The following CLCN7 variants were observed in gnomAD, a reference collection of about 807,000 sequenced individuals.
The protein encoded by CLCN7 is Cl-/H+ antiporter 7, also known as H(+)/Cl(-) exchange transporter 7.
A neutral mutation model predicts 102.1 loss-of-function variants in CLCN7; 60 were observed. That is an observed-to-expected ratio of 0.59 (90% CI 0.48 to 0.73). The LOEUF (loss-of-function observed/expected upper bound fraction) is 0.73, where lower values mean the gene tolerates loss of function less well. CLCN7 is among the 30% of genes least tolerant of loss of function. The pLI is 0.00. For synonymous variants in CLCN7, 560 were observed against 490.5 expected, an observed-to-expected ratio of 1.14 and a Z score of -1.87; for missense variants, 962 against 1,125.7, an observed-to-expected ratio of 0.85 and a Z score of 2.08.
In CLCN7 at chr16:1,451,683, C is replaced by G; in HGVS notation, c.1387G>C (p.Ala463Pro). ...FCADGEYNSM[A>P]AAFFNTPEKS... is the part of the protein sequence containing the mutation. ...TCCGGGGTGTTGAAGAAGGCCGCAG[C>G]CATGGAGTTGTACTCGCCATCTGCA... Residue 463 changes from alanine to proline, a missense_variant, in exon 16 of 25, where the codon GCT becomes CCT. Around this residue, in one of 2 missense-constraint regions of CLCN7, gnomAD observed 799 missense variants for 988.0 expected, o/e 0.81. Transcript: ENST00000382745. 1 of 1,612,852 alleles carries G rather than the reference C, an allele frequency of 6.2e-7. No homozygotes were observed. The highest frequency in any genetic ancestry group is 8.5e-7 in the Non-Finnish European group (1 of 1,179,942).
intron 1 of CLCN7, among the ~76,000 whole-genome samples, chr16:1,469,565 A>G (rs1051142134): frequency 6.6e-6 from 1 of 152,062 alleles, no homozygotes; most frequent in African/African-American, 2.4e-5. Flanking sequence ...GGGCGCCTGT[A>G]ATCCCAGCTA....
Position 1,446,147 on chromosome 16 carries a change from C to T in CLCN7, c.*484G>A, listed in dbSNP as rs2038635813. On this transcript the variant is annotated 3_prime_UTR_variant, in exon 25 of 25. Coordinates refer to ENST00000382745, the MANE Select transcript of CLCN7 (RefSeq NM_001287.6). ...CTCAGGCCCAGGGACCACAGGCCGT[C>T]TGCTCATGGCTGAAAATGAGGCCAA... is the stretch of plus-strand genomic sequence containing the variant. 1.7e-6 allele frequency: 1 copy of T among 600,232 alleles called. No homozygotes were observed. Among genetic ancestry groups the T allele is most frequent in the East Asian group, 2.8e-5 (1 of 36,190 alleles). 37.2% of individuals were successfully genotyped at this position (600,232 alleles called of 1,614,324 possible). A position where few individuals can be genotyped will look rare whatever the true frequency, so the allele number is the denominator to read the frequency against.
At position 1,460,744 on chromosome 16, in the gene CLCN7, G is replaced by A. The variant is rs376471164; in HGVS notation, c.484+72C>T. The stretch of plus-strand genomic sequence containing the variant: ...CCTGCACTGGAACACGCTGGGCTCA[G>A]GACTTCTGCCCGGGACTCGGCCCAG... On this transcript the variant is annotated intron_variant, in intron 5 of 24. Coordinates refer to ENST00000382745, the MANE Select transcript of CLCN7 (RefSeq NM_001287.6). 23 of 1,609,354 alleles carry A rather than the reference G, an allele frequency of 1.4e-5. No individual in the cohort carries two copies. In the African/African-American group the frequency reaches 2.5e-4, roughly 18 times the overall value.
In CLCN7 at chr16:1,446,622, G is replaced by A. The variant is rs773825294; in HGVS notation, c.*9C>T. The A allele has an allele frequency of 1.6e-4, 243 of 1,558,196 alleles. No homozygotes were observed. Among genetic ancestry groups the A allele is most frequent in the Non-Finnish European group, 1.9e-4 (217 of 1,150,832 alleles). On this transcript the variant is annotated 3_prime_UTR_variant, in exon 25 of 25. Coordinates refer to ENST00000382745, the MANE Select transcript of CLCN7 (RefSeq NM_001287.6). The stretch of plus-strand genomic sequence containing the variant: ...CAGCGCCAGTGCCCATTATGGGCAG[G>A]GCTGGGCCTCACGTCTGGGCCAGCG...
At chr16:1,447,743 C>G (rs367730345) in intron 21 of CLCN7, 29 bp from the exon 22 acceptor site, 44 of 1,548,560 alleles carry the variant, frequency 2.8e-5, no homozygotes, top group Non-Finnish European at 3.8e-5. Context: ...GTCAGGGCCA[C>G]GGGCCCGAGG....
intron 22 of CLCN7, 34 bp downstream of exon 22, chr16:1,447,621 C>G: frequency 6.4e-7 from 1 of 1,551,836 alleles, no homozygotes; most frequent in Non-Finnish European, 8.7e-7. Context: ...CCCGGGGCCC[C>G]CACCCGCCCA....
At chr16:1,469,833 T>A (rs2039052375) in intron 1 of CLCN7, among the ~76,000 whole-genome samples, 1 of 152,048 alleles carries the variant, frequency 6.6e-6, no homozygotes, top group Non-Finnish European at 1.5e-5. Flanking sequence ...GATGGATGAG[T>A]GAGTCAAGGA....
chr16:1,450,366 A>G, intron 17 of CLCN7, 131 bp downstream of exon 17: 1 of 958,762 alleles, frequency 1.0e-6, no homozygotes, highest in Non-Finnish European at 1.6e-6. Flanking sequence ...CGCGAGGACA[A>G]CGCCCACGGC....
At chr16:1,463,002 T>C (rs1356812393) in intron 2 of CLCN7, among the ~76,000 whole-genome samples, 2 of 152,010 alleles carry the variant, frequency 1.3e-5, no homozygotes, top group South Asian at 2.1e-4. Context: ...CTCTACAAAA[T>C]ATTAGCTGAG....
At chr16:1,464,314 C>T (rs1417084889) in intron 2 of CLCN7, among the ~76,000 whole-genome samples, 4 of 152,242 alleles carry the variant, frequency 2.6e-5, no homozygotes, top group Non-Finnish European at 5.9e-5. Flanking sequence ...GGACTGATTG[C>T]TGAATCTCAC....
intron 2 of CLCN7, among the ~76,000 whole-genome samples, chr16:1,462,683 A>AAAAAAAAAAAC (rs1471363912): frequency 2.6e-5 from 4 of 150,960 alleles, no homozygotes; most frequent in African/African-American, 9.9e-5. Context: ...AAAAAAAAAA[A>AAAAAAAAAAAC]AAAACCAGGC....
At chr16:1,473,609 AT>A (rs2039109112) in intron 1 of CLCN7, among the ~76,000 whole-genome samples, 1 of 150,254 alleles carries the variant, frequency 6.7e-6, no homozygotes, top group Non-Finnish European at 1.5e-5. Context: ...TCCTGACCTC[AT>A]GATCCACCCG....
At chr16:1,451,558 T>G (rs2038751247) in intron 16 of CLCN7, 65 bp downstream of exon 16, 3 of 1,429,116 alleles carry the variant, frequency 2.1e-6, no homozygotes, top group Non-Finnish European at 1.9e-6. Context: ...CAGGGGACAC[T>G]CAGCCAGAAG....
rs2038814724 is a variant in CLCN7 at position 1,455,148 on chromosome 16, T to C, written c.1084A>G (p.Arg362Gly). Residue 362 changes from arginine to glycine, a missense_variant, in exon 12 of 25, where the codon AGG becomes GGG. Transcript: ENST00000382745. ...GGGCAGGTTACCTCCGAGTCAAACC[T>C]TCCGAAGTTGATGAGGCCTGGGCTG... ...LSSPGLINFG[R>G]FDSEKMAYTI... 4.3e-6 allele frequency: 7 copies of C among 1,609,620 alleles called. No individual in the cohort carries two copies. Among genetic ancestry groups the C allele is most frequent in the Non-Finnish European group, 6.0e-6 (7 of 1,175,916 alleles).
Position 1,455,752 on chromosome 16 carries a change from G to T in CLCN7, c.960C>A (p.Asn320Lys). ...FSLEEGASFW[N>K]QFLTWRIFFA... The stretch of plus-strand genomic sequence containing the variant: ...TTACGATCCTCCAGGTCAGGAACTG[G>T]TTCCAGAAGGACGCACCCTCCTCCA... Residue 320 changes from asparagine (N) to lysine (K), a missense_variant, in exon 11 of 25, where the codon AAC becomes AAA. Physicochemically the swap from Asn to Lys is moderately conservative, Grantham distance 94. Transcript: ENST00000382745. 1 of 1,613,804 alleles carries T rather than the reference G, an allele frequency of 6.2e-7. No homozygotes were observed. The highest frequency in any genetic ancestry group is 1.3e-5 in the African/African-American group (1 of 75,044).
At chr16:1,474,338 C>A in intron 1 of CLCN7, 1 of 374,060 alleles carries the variant, frequency 2.7e-6, no homozygotes. Flanking sequence ...AGAAAGATGG[C>A]AGATAAAGGC....
chr16:1,469,040 A>G (rs1484619053), intron 1 of CLCN7, among the ~76,000 whole-genome samples: 6 of 96,264 alleles, frequency 6.2e-5, no homozygotes, highest in Non-Finnish European at 9.9e-5. Context: ...AAAAAAAACG[A>G]AAAAAAAAAA....
chr16:1,461,182 T>C (rs1362040698), intron 4 of CLCN7, among the ~76,000 whole-genome samples: 1 of 152,254 alleles, frequency 6.6e-6, no homozygotes, highest in East Asian at 1.9e-4. Flanking sequence ...GCGGTTGTTA[T>C]GCTGGGCACC....
intron 16 of CLCN7, 42 bp from the exon 17 acceptor site, chr16:1,450,708 C>CA: frequency 8.4e-7 from 1 of 1,191,550 alleles, no homozygotes; most frequent in Non-Finnish European, 1.1e-6. Context: ...ACGACTCCCG[C>CA]CTCCGCAGGA....
Sources: allele counts gnomAD v4.1 joint callset (sites outside exome capture counted in the v4.1 genomes callset), GRCh38; gene constraint gnomAD v4.1.1; regional missense constraint gnomAD v4.1.1; transcripts MANE v1.5; gene names NCBI Gene and HGNC (gene_info 2026-07-23, HGNC 2026-07-21).